WDR45B: variants seen among roughly 807,000 people sequenced by gnomAD.
WDR45B encodes the protein WD repeat domain 45B, also known as WD repeat domain phosphoinositide-interacting protein 3.
Under a neutral mutation model 44.6 loss-of-function variants are expected in WDR45B, and 20 were observed. The ratio of observed to expected loss-of-function variants is 0.45; its 90% CI spans 0.32 to 0.65. The LOEUF (loss-of-function observed/expected upper bound fraction) is 0.65, where lower values mean the gene tolerates loss of function less well. WDR45B is among the 30% of genes least tolerant of loss of function. The pLI, the probability that WDR45B is intolerant of heterozygous loss-of-function variation, is 0.05. For synonymous variants in WDR45B, 169 were observed against 164.9 expected, an observed-to-expected ratio of 1.02 and a Z score of -0.19; for missense variants, 323 against 430.2, an observed-to-expected ratio of 0.75 and a Z score of 2.20.
At position 82,617,502 on chromosome 17, in the gene WDR45B, C is replaced by T. The variant is rs539496504; in HGVS notation, c.705-105G>A. Reference sequence around the variant, plus strand: ...ACTGTGGAACACCTCAACATTCCCACTCTGGAGGTGCCAATTCTGAATACT... The same window carrying T: ...ACTGTGGAACACCTCAACATTCCCATTCTGGAGGTGCCAATTCTGAATACT... On this transcript the variant is annotated intron_variant, in intron 7 of 9. Transcript: ENST00000392325. The T allele has an allele frequency of 3.0e-5, 34 of 1,126,128 alleles. No individual in the cohort carries two copies. The East Asian group carries it at 7.8e-4, about 26-fold the overall frequency. The allele number at this position is 1,126,128 out of a possible 1,614,324, so 69.8% of individuals were successfully genotyped here. A position where few individuals can be genotyped will look rare whatever the true frequency, so the allele number is the denominator to read the frequency against.
At chr17:82,642,013 T>G (rs1257693779) in intron 2 of WDR45B, among the ~76,000 whole-genome samples, 1 of 151,234 alleles carries the variant, frequency 6.6e-6, no homozygotes, top group Non-Finnish European at 1.5e-5. Flanking sequence ...AACATAAAAA[T>G]CCAAGAGGTC....
intron 2 of WDR45B, among the ~76,000 whole-genome samples, chr17:82,638,579 C>T (rs1164473991): frequency 6.6e-6 from 1 of 151,836 alleles, no homozygotes; most frequent in Non-Finnish European, 1.5e-5. Flanking sequence ...AACTTCTATT[C>T]CACTAAGAGA....
intron 3 of WDR45B, 81 bp downstream of exon 3, chr17:82,630,840 A>T: frequency 7.7e-7 from 1 of 1,301,478 alleles, no homozygotes; most frequent in Non-Finnish European, 1.1e-6. Context: ...AAAATCACAC[A>T]TGGCCACAAA....
chr17:82,636,647 G>A lies in WDR45B; in HGVS notation c.143-5625C>T, dbSNP rs978212184. 6 of 152,042 alleles carry A rather than the reference G, an allele frequency of 3.9e-5. 1 individual carries two copies. The highest frequency in any genetic ancestry group is 1.5e-4 in the African/African-American group (6 of 41,308). The allele number at this position is 152,042 out of a possible 1,614,324, so 9.4% of individuals were successfully genotyped here. On this transcript the variant is annotated intron_variant, in intron 2 of 9. Coordinates refer to ENST00000392325, the MANE Select transcript of WDR45B (RefSeq NM_019613.4). ...TATTCGTTGTTACAGAAAAATGTAA[G>A]ATACAATAAATCTTTCTGAGTTTCT...
At chr17:82,616,784 G>C (rs749699960) in intron 8 of WDR45B, 139 bp from the exon 9 acceptor site, 9 of 1,101,170 alleles carry the variant, frequency 8.2e-6, no homozygotes, top group Non-Finnish European at 1.2e-5. Context: ...TTTTTGCCAT[G>C]CATGACAAAG....
chr17:82,623,286 C>G (rs967318992), intron 5 of WDR45B, among the ~76,000 whole-genome samples: 2 of 150,552 alleles, frequency 1.3e-5, no homozygotes, highest in African/African-American at 4.9e-5. Flanking sequence ...ACTTGGGGGA[C>G]TGAGGCAGGA....
intron 7 of WDR45B, 145 bp from the exon 8 acceptor site, chr17:82,617,542 A>G: frequency 1.3e-6 from 1 of 784,332 alleles, no homozygotes; most frequent in South Asian, 1.5e-5. Flanking sequence ...TTTCTTTAAC[A>G]AGCCGACAAC....
chr17:82,636,024 G>A (rs949845465), intron 2 of WDR45B, among the ~76,000 whole-genome samples: 6 of 151,812 alleles, frequency 4.0e-5, no homozygotes, highest in Non-Finnish European at 8.8e-5. Flanking sequence ...GAGGCAGAGG[G>A]TGCGGTGAGC....
At chr17:82,627,353 C>G (rs932786340) in intron 3 of WDR45B, 62 bp from the exon 4 acceptor site, 88 of 1,379,234 alleles carry the variant, frequency 6.4e-5, no homozygotes, top group Non-Finnish European at 8.1e-5. Flanking sequence ...TGGGATGCAG[C>G]GATGCCAGCT....
At chr17:82,631,301 T>C (rs2045764031) in intron 2 of WDR45B, among the ~76,000 whole-genome samples, 1 of 124,110 alleles carries the variant, frequency 8.1e-6, no homozygotes, top group Non-Finnish European at 1.6e-5. Flanking sequence ...TTTTTTTTTT[T>C]GAGAAGGAGT....
intron 3 of WDR45B, among the ~76,000 whole-genome samples, chr17:82,630,313 C>T (rs529293068): frequency 6.6e-6 from 1 of 151,620 alleles, no homozygotes; most frequent in Non-Finnish European, 1.5e-5. Flanking sequence ...AGCCTACCTC[C>T]CGCCTCCCAC....
intron 2 of WDR45B, among the ~76,000 whole-genome samples, chr17:82,632,603 A>G (rs2045781792): frequency 6.6e-6 from 1 of 152,176 alleles, no homozygotes; most frequent in Non-Finnish European, 1.5e-5. Context: ...CACGTTCTGC[A>G]TGGTTCACGT....
chr17:82,630,322 AC>A (rs1316643716), intron 3 of WDR45B, among the ~76,000 whole-genome samples: 1 of 21,216 alleles, frequency 4.7e-5, no homozygotes, highest in Non-Finnish European at 9.6e-5. Context: ...CCCGCCTCCC[AC>A]CTCTTCCCTG....
intron 5 of WDR45B, among the ~76,000 whole-genome samples, chr17:82,624,281 T>C (rs1179239272): frequency 6.6e-6 from 1 of 152,186 alleles, no homozygotes; most frequent in Non-Finnish European, 1.5e-5. Context: ...TGTTCTTTTT[T>C]TCTTTAGTCT....
intron 3 of WDR45B, among the ~76,000 whole-genome samples, chr17:82,628,368 T>A (rs2045725308): frequency 6.6e-6 from 1 of 152,196 alleles, no homozygotes; most frequent in South Asian, 2.1e-4. Context: ...TAGCATAAAT[T>A]AGCAGTTTGT....
At chr17:82,642,245 A>G (rs1362243733) in intron 2 of WDR45B, among the ~76,000 whole-genome samples, 2 of 152,054 alleles carry the variant, frequency 1.3e-5, no homozygotes, top group African/African-American at 2.4e-5. Context: ...CATCCCCACC[A>G]AGCTCTGCCC....
intron 2 of WDR45B, among the ~76,000 whole-genome samples, chr17:82,639,671 G>A (rs559894823): frequency 4.0e-4 from 61 of 151,452 alleles, no homozygotes; most frequent in Middle Eastern, 3.5e-3. Flanking sequence ...TGTGTGTGTC[G>A]GGTCTGGCGG....
At chr17:82,635,160 AT>A (rs2045816803) in intron 2 of WDR45B, among the ~76,000 whole-genome samples, 1 of 151,762 alleles carries the variant, frequency 6.6e-6, no homozygotes, top group South Asian at 2.1e-4. Flanking sequence ...ATTTTACATA[AT>A]TTTTTACCAT....
intron 2 of WDR45B, among the ~76,000 whole-genome samples, chr17:82,641,757 G>C (rs111912737): frequency 0.062 from 9,474 of 152,114 alleles, 442 homozygotes; most frequent in Non-Finnish European, 0.093. Context: ...AATTAGCCAG[G>C]CGTGGTGGCA....
Sources: allele counts gnomAD v4.1 joint callset (sites outside exome capture counted in the v4.1 genomes callset), GRCh38; gene constraint gnomAD v4.1.1; transcripts MANE v1.5; gene names NCBI Gene and HGNC (gene_info 2026-07-23, HGNC 2026-07-21).